Variants in MCPH1 observed in about 807,000 individuals in gnomAD.
MCPH1 encodes the protein microcephalin.
Under a neutral mutation model 84.5 loss-of-function variants are expected in MCPH1, and 104 were observed. The ratio of observed to expected loss-of-function variants is 1.23; its 90% CI spans 1.05 to 1.45. The LOEUF is 1.45. Ranked by LOEUF, MCPH1 falls within the 40% of genes most tolerant of loss-of-function variation. The probability of loss-of-function intolerance (pLI) is 0.00; values close to 1 mark genes in which losing one functional copy is unlikely to be tolerated. For missense variants in MCPH1, 1,498 were observed against 1,005.7 expected, an observed-to-expected ratio of 1.49 and a Z score of -6.62; for synonymous variants, 514 against 366.8, an observed-to-expected ratio of 1.40 and a Z score of -4.58.
intron 13 of MCPH1, among the ~76,000 whole-genome samples, chr8:6,631,400 G>C (rs3020265): frequency 1.3e-5 from 2 of 151,938 alleles, no homozygotes; most frequent in Admixed American, 1.3e-4. Context: ...AATCTATGGA[G>C]TAGGAGAAAA....
intron 12 of MCPH1, among the ~76,000 whole-genome samples, chr8:6,504,607 G>A (rs1375203648): frequency 6.6e-6 from 1 of 152,138 alleles, no homozygotes; most frequent in African/African-American, 2.4e-5. Flanking sequence ...ATATGTCAAA[G>A]AGAAGCTGTA....
intron 12 of MCPH1, among the ~76,000 whole-genome samples, chr8:6,564,547 A>G (rs1825980846): frequency 6.7e-6 from 1 of 150,082 alleles, no homozygotes. Flanking sequence ...CAGCAGCCCA[A>G]GTGTACATAG....
Position 6,566,672 on chromosome 8 carries a change from T to C in MCPH1, c.2215-54782T>C, listed in dbSNP as rs750522517. On this transcript the variant is annotated intron_variant, in intron 12 of 13. Transcript: ENST00000344683. ...CATGTGGTGCGGTGACCCTGTGTGATTGGCAAGGCCATGGATAGTGAACGT... is the reference window on the plus strand; with the variant it reads ...CATGTGGTGCGGTGACCCTGTGTGACTGGCAAGGCCATGGATAGTGAACGT... Among the ~76,000 whole-genome samples, 16 of 151,674 alleles carry C rather than the reference T, an allele frequency of 1.1e-4. No homozygotes were observed. The South Asian group carries it at 1.7e-3, about 16-fold the overall frequency.
intron 12 of MCPH1, chr8:6,620,194 T>C (rs17077695): frequency 0.049 from 7,444 of 152,332 alleles, 325 homozygotes; most frequent in East Asian, 0.25. Context: ...GCAAGGCACA[T>C]GAAAGCTGCT....
chr8:6,459,430 A>G (rs931704193), intron 9 of MCPH1, among the ~76,000 whole-genome samples: 1 of 152,178 alleles, frequency 6.6e-6, no homozygotes, highest in African/African-American at 2.4e-5. Flanking sequence ...TGCACGCCAC[A>G]TATTTTTATG....
Position 6,621,636 on chromosome 8 carries a change from C to T in MCPH1, c.2397C>T (p.Pro799=). The T allele has an allele frequency of 1.2e-6, 2 of 1,614,226 alleles. No individual in the cohort carries two copies. Among genetic ancestry groups the T allele is most frequent in the Non-Finnish European group, 1.7e-6 (2 of 1,180,040 alleles). ...GCCAGGCCAGCATCGTCATCGGGCC[C>T]TACAGCGGAAAGAAGAAAGCCACAG... ...VPRQASIVIG[P]YSGKKKATVK... Residue 799 remains proline (P), a synonymous_variant, in exon 13 of 14, where the codon CCC becomes CCT. Coordinates refer to ENST00000344683, the MANE Select transcript of MCPH1 (RefSeq NM_024596.5).
At chr8:6,487,879 T>C (rs1447685483) in intron 11 of MCPH1, among the ~76,000 whole-genome samples, 10 of 152,226 alleles carry the variant, frequency 6.6e-5, no homozygotes, top group Admixed American at 3.3e-4. Context: ...TGCAAATAAT[T>C]AGTGAATTTA....
chr8:6,474,481 C>A (rs573365567), intron 9 of MCPH1, among the ~76,000 whole-genome samples: 35 of 152,158 alleles, frequency 2.3e-4, no homozygotes, highest in African/African-American at 7.7e-4. Context: ...AAAATTGCAC[C>A]ACTGCACTCC....
At chr8:6,439,227 G>T in intron 6 of MCPH1, 131 bp downstream of exon 6, 1 of 946,218 alleles carries the variant, frequency 1.1e-6, no homozygotes, top group Non-Finnish European at 1.6e-6. Context: ...TTTCATGGCT[G>T]GCTTTGTTTT....
chr8:6,544,481 G>T (rs185721717), intron 12 of MCPH1, among the ~76,000 whole-genome samples: 6 of 152,270 alleles, frequency 3.9e-5, no homozygotes, highest in Admixed American at 6.5e-5. Flanking sequence ...CAAAATATAT[G>T]TTACGTCAAA....
intron 12 of MCPH1, among the ~76,000 whole-genome samples, chr8:6,592,149 G>GTTA (rs146085602): frequency 2.0e-5 from 3 of 151,574 alleles, no homozygotes; most frequent in South Asian, 2.1e-4. Context: ...TATCATTATG[G>GTTA]TTATTATTAT....
chr8:6,435,683 T>C (rs2129554533), intron 4 of MCPH1, among the ~76,000 whole-genome samples: 1 of 152,284 alleles, frequency 6.6e-6, no homozygotes, highest in Admixed American at 6.5e-5. Flanking sequence ...CCGTGGCAAT[T>C]AAACAGTTCA....
At chr8:6,547,638 A>T (rs146227746) in intron 12 of MCPH1, among the ~76,000 whole-genome samples, 1 of 152,148 alleles carries the variant, frequency 6.6e-6, no homozygotes, top group African/African-American at 2.4e-5. Context: ...GTTCCTATCA[A>T]ACAGTGAGTG....
chr8:6,645,690 A>G lies in MCPH1; in HGVS notation c.*2641A>G, dbSNP rs1798186626. The G allele has an allele frequency of 6.6e-6, 1 of 151,942 alleles. No individual in the cohort carries two copies. The highest frequency in any genetic ancestry group is 1.5e-5 in the Non-Finnish European group (1 of 67,978). The allele number at this position is 151,942 out of a possible 1,614,324, so 9.4% of individuals were successfully genotyped here. A position where few individuals can be genotyped will look rare whatever the true frequency, so the allele number is the denominator to read the frequency against. On this transcript the variant is annotated 3_prime_UTR_variant, in exon 14 of 14. Coordinates refer to ENST00000344683, the MANE Select transcript of MCPH1 (RefSeq NM_024596.5). ...ATATACAATCTTGCAATCTTCCTAA[A>G]GATTATATACAAACCTAACAGAATT...
At chr8:6,558,422 A>C (rs1586617432) in intron 12 of MCPH1, among the ~76,000 whole-genome samples, 1 of 152,118 alleles carries the variant, frequency 6.6e-6, no homozygotes, top group Non-Finnish European at 1.5e-5. Context: ...CTTGTTTTTC[A>C]ATTTTAAATG....
intron 12 of MCPH1, among the ~76,000 whole-genome samples, chr8:6,611,120 A>ACACACACAGT (rs1554476999): frequency 1.4e-4 from 20 of 139,784 alleles, no homozygotes; most frequent in African/African-American, 6.1e-4. Flanking sequence ...ACACTCTCTC[A>ACACACACAGT]CACACACACT....
intron 5 of MCPH1, among the ~76,000 whole-genome samples, chr8:6,438,165 TG>T (rs1343893819): frequency 6.6e-6 from 1 of 152,246 alleles, no homozygotes. Context: ...TCAGTGACAG[TG>T]TATTTGAAAA....
Position 6,621,740 on chromosome 8 carries a change from C to G in MCPH1, c.2452+49C>G, listed in dbSNP as rs41306051. 0.035 allele frequency: 55,937 copies of G among 1,612,764 alleles called. 1,150 individuals carry two copies. The highest frequency in any genetic ancestry group is 0.042 in the Middle Eastern group (257 of 6,060). On this transcript the variant is annotated intron_variant, in intron 13 of 13. Coordinates refer to ENST00000344683, the MANE Select transcript of MCPH1 (RefSeq NM_024596.5). The stretch of plus-strand genomic sequence containing the variant: ...CTGTGGTGTGGTCCAGATCTGTGGA[C>G]AGGTTTCCAGGGAGGGCGGCGTCAG...
rs531655048 is a variant in MCPH1, at chr8:6,627,166, C to T, written c.2452+5475C>T. On this transcript the variant is annotated intron_variant, in intron 13 of 13. Transcript: ENST00000344683. ...ACTGACTGACCAGAAAAATGCACGA[C>T]GCTCCCATGGGGCCACTCGGGAGGC... 3.3e-4 allele frequency: 328 copies of T among 985,398 alleles called. 4 individuals are homozygous for T. The African/African-American group carries it at 5.4e-3, about 16-fold the overall frequency. 61.0% of individuals were successfully genotyped at this position (985,398 alleles called of 1,614,324 possible).
Sources: allele counts gnomAD v4.1 joint callset (sites outside exome capture counted in the v4.1 genomes callset), GRCh38; gene constraint gnomAD v4.1.1; transcripts MANE v1.5; gene names NCBI Gene and HGNC (gene_info 2026-07-23, HGNC 2026-07-21).